Variants in CMIP observed in about 807,000 individuals in gnomAD.
CMIP encodes c-Maf inducing protein.
CMIP carries 13 observed loss-of-function variants against 97.3 expected under a neutral mutation model. That is an observed-to-expected ratio of 0.13 (90% CI 0.09 to 0.21). CMIP has a LOEUF of 0.21. CMIP is among the 10% of genes least tolerant of loss of function. The pLI, the probability that CMIP is intolerant of heterozygous loss-of-function variation, is 1.00. For synonymous variants in CMIP, 538 were observed against 436.3 expected (o/e 1.23, Z -2.91); for missense variants, 847 against 1,024.9 (o/e 0.83, Z 2.37).
chr16:81,567,350 A>C (rs1435003489), intron 1 of CMIP, among the ~76,000 whole-genome samples: 2 of 152,226 alleles, frequency 1.3e-5, no homozygotes, highest in Non-Finnish European at 2.9e-5. Context: ...ACTTCTTTCC[A>C]TTCTTGGATG....
intron 7 of CMIP, chr16:81,666,814 A>T (rs1195306806): frequency 6.6e-6 from 1 of 152,248 alleles, no homozygotes; most frequent in Non-Finnish European, 1.5e-5. Flanking sequence ...GATTATGGCC[A>T]TGCCAGGCAC....
intron 1 of CMIP, among the ~76,000 whole-genome samples, chr16:81,450,349 C>T (rs750044153): frequency 5.9e-5 from 9 of 152,266 alleles, no homozygotes; most frequent in African/African-American, 1.7e-4. Flanking sequence ...GTTCTCATGG[C>T]GCTGGATCTG....
chr16:81,520,338 C>T (rs1366089127), intron 1 of CMIP: 1 of 152,194 alleles, frequency 6.6e-6, no homozygotes, highest in Admixed American at 6.5e-5. Context: ...GATCCCACTT[C>T]TTGAACAATG....
At chr16:81,682,062 G>C (rs1354505325) in intron 10 of CMIP, among the ~76,000 whole-genome samples, 1 of 152,100 alleles carries the variant, frequency 6.6e-6, no homozygotes, top group African/African-American at 2.4e-5. Flanking sequence ...TATTAGCCGG[G>C]TGTGGTGGCG....
At position 81,609,377 on chromosome 16, in the gene CMIP, G is replaced by A. The variant is rs562814322; in HGVS notation, c.426+1685G>A. 5.9e-5 allele frequency among the ~76,000 whole-genome samples: 9 copies of A among 152,298 alleles called. No homozygotes were observed. In the East Asian group the frequency reaches 7.7e-4, roughly 13 times the overall value. On this transcript the variant is annotated intron_variant, in intron 2 of 20. Transcript: ENST00000537098. The stretch of plus-strand genomic sequence containing the variant: ...GGGGTGGTCAGTGCCAGCCCCCCTC[G>A]GCGGGGGAGATGGGGCGGGCAATCA...
At chr16:81,626,521 G>C (rs1320861775) in intron 3 of CMIP, among the ~76,000 whole-genome samples, 11 of 150,422 alleles carry the variant, frequency 7.3e-5, no homozygotes, top group Non-Finnish European at 1.2e-4. Flanking sequence ...ATGTGTGTGT[G>C]TGGTGTGTGG....
intron 3 of CMIP, among the ~76,000 whole-genome samples, chr16:81,647,165 G>A (rs1324370514): frequency 1.3e-5 from 2 of 152,170 alleles, no homozygotes; most frequent in East Asian, 1.9e-4. Flanking sequence ...GGACGAAGTC[G>A]TATCTCTTTA....
chr16:81,697,199 T>C, intron 14 of CMIP: 1 of 165,510 alleles, frequency 6.0e-6, no homozygotes, highest in Middle Eastern at 3.0e-3. Flanking sequence ...CCCGGCACTG[T>C]ATCCGGCACT....
At chr16:81,554,467 T>G (rs1258244634) in intron 1 of CMIP, among the ~76,000 whole-genome samples, 3 of 152,156 alleles carry the variant, frequency 2.0e-5, no homozygotes, top group African/African-American at 7.2e-5. Context: ...CACCACTCTT[T>G]CCTGTTGAGC....
At chr16:81,626,786 A>AGT (rs749221024) in intron 3 of CMIP, among the ~76,000 whole-genome samples, 17,770 of 101,934 alleles carry the variant, frequency 0.17, 1,467 homozygotes, top group Middle Eastern at 0.23. Flanking sequence ...AGAGAGAGAG[A>AGT]GAGTGTGTGT....
chr16:81,709,113 C>G (rs1405913950), intron 20 of CMIP, among the ~76,000 whole-genome samples: 2 of 152,112 alleles, frequency 1.3e-5, no homozygotes, highest in Non-Finnish European at 2.9e-5. Context: ...AATGGAGAGA[C>G]ATAGCAGGTG....
chr16:81,652,353 C>T lies in CMIP; in HGVS notation c.628C>T (p.Leu210=), dbSNP rs374708953. The T allele has an allele frequency of 6.2e-7, 1 of 1,613,316 alleles. No individual in the cohort carries two copies. Among genetic ancestry groups the T allele is most frequent in the African/African-American group, 1.3e-5 (1 of 74,884 alleles). ...NQAPLEIVSK[L]LSENTNLTTQ... ...GGCCCCACTGGAAATCGTCTCGAAA[C>T]TGCTCTCAGAGGTAAAACCCCTCCC... The change falls in exon 4 of 21, where the codon CTG becomes TTG. Residue 210 remains leucine, a synonymous_variant. Transcript: ENST00000537098. The surrounding 1 kb of genome is among the most constrained non-coding windows in gnomAD (Gnocchi z 5.2).
intron 1 of CMIP, among the ~76,000 whole-genome samples, chr16:81,477,451 G>A (rs975531890): frequency 3.3e-5 from 5 of 152,114 alleles, no homozygotes; most frequent in East Asian, 1.9e-4. Context: ...GTGAGCCACC[G>A]CACCTAGCCT....
chr16:81,657,054 A>G (rs955844454), intron 4 of CMIP, among the ~76,000 whole-genome samples: 10 of 152,196 alleles, frequency 6.6e-5, no homozygotes, highest in Admixed American at 4.6e-4. Context: ...AAAATTTAAA[A>G]AAAAAAAATG....
intron 3 of CMIP, chr16:81,632,052 T>C (rs1235436594): frequency 6.6e-6 from 1 of 152,202 alleles, no homozygotes; most frequent in African/African-American, 2.4e-5. Context: ...AAAATCAAGC[T>C]ATTACCTACA....
chr16:81,595,680 C>T (rs1203883261), intron 1 of CMIP, among the ~76,000 whole-genome samples: 3 of 152,134 alleles, frequency 2.0e-5, no homozygotes, highest in East Asian at 1.9e-4. Context: ...TGAGCCACCA[C>T]GCCTAGCCCG....
chr16:81,467,699 A>G (rs1362293513), intron 1 of CMIP, among the ~76,000 whole-genome samples: 5 of 147,818 alleles, frequency 3.4e-5, no homozygotes, highest in African/African-American at 5.0e-5. Context: ...TCTTGCCTCT[A>G]CCTCTCGAGT....
At chr16:81,696,742 T>C in intron 14 of CMIP, 75 bp downstream of exon 14, 1 of 1,372,280 alleles carries the variant, frequency 7.3e-7, no homozygotes, top group South Asian at 1.3e-5. Flanking sequence ...AAAACAGCCG[T>C]CCCCCATCCC....
At chr16:81,599,552 C>G (rs888954890) in intron 1 of CMIP, among the ~76,000 whole-genome samples, 7 of 152,190 alleles carry the variant, frequency 4.6e-5, no homozygotes, top group African/African-American at 1.7e-4. Flanking sequence ...CCAGCTGTGG[C>G]TTTGGCTGTG....
Sources: allele counts gnomAD v4.1 joint callset (sites outside exome capture counted in the v4.1 genomes callset), GRCh38; gene constraint gnomAD v4.1.1; non-coding constraint Gnocchi (gnomAD v3.1); transcripts MANE v1.5; gene names NCBI Gene and HGNC (gene_info 2026-07-23, HGNC 2026-07-21).